Variants in BCAS3 observed in about 807,000 individuals in gnomAD.
BCAS3 encodes BCAS4/BCAS3 fusion.
BCAS3 carries 53 observed loss-of-function variants against 116.1 expected under a neutral mutation model. That is an observed-to-expected ratio of 0.46 (90% CI 0.37 to 0.57). The LOEUF (loss-of-function observed/expected upper bound fraction) is 0.57, where lower values mean the gene tolerates loss of function less well. Among genes scored for constraint, BCAS3 ranks in the 20% least tolerant of loss-of-function variants. The pLI is 0.00. For synonymous variants in BCAS3, 391 were observed against 408.2 expected (o/e 0.96, Z 0.51); for missense variants, 917 against 1,165.4 (o/e 0.79, Z 3.10).
intron 22 of BCAS3, among the ~76,000 whole-genome samples, chr17:61,266,479 C>T (rs1161231727): frequency 1.3e-5 from 2 of 152,148 alleles, no homozygotes; most frequent in African/African-American, 4.8e-5. Context: ...TCCAAAGAAA[C>T]CTATGAGAAG....
At chr17:60,751,153 T>C (rs1428275791) in intron 6 of BCAS3, among the ~76,000 whole-genome samples, 1 of 152,222 alleles carries the variant, frequency 6.6e-6, no homozygotes, top group Non-Finnish European at 1.5e-5. Flanking sequence ...CAGAAGACCA[T>C]CATTGTATTT....
At chr17:60,772,008 A>G (rs993030772) in intron 6 of BCAS3, among the ~76,000 whole-genome samples, 28 of 152,296 alleles carry the variant, frequency 1.8e-4, no homozygotes, top group East Asian at 5.8e-4. Flanking sequence ...TAGTGCCGCA[A>G]TAAACATACG....
rs561686560 is a variant in BCAS3, at chr17:61,259,947, T to C, written c.2426-108380T>C. On this transcript the variant is annotated intron_variant, in intron 22 of 23. Transcript: ENST00000407086. This position sits in a 1 kb window ranked among gnomAD's most constrained non-coding sequence, Gnocchi z 4.7. ...ATAGCCACTATTTATTGAATTGCTG[T>C]GTGAGGTAGGCGTTGTACAGGCTGC... is the stretch of plus-strand genomic sequence containing the variant. Among the ~76,000 whole-genome samples the C allele has an allele frequency of 6.6e-6, 1 of 152,352 alleles. No individual in the cohort carries two copies.
At chr17:60,877,615 T>C (rs1332978256) in intron 9 of BCAS3, among the ~76,000 whole-genome samples, 1 of 152,236 alleles carries the variant, frequency 6.6e-6, no homozygotes, top group Non-Finnish European at 1.5e-5. Flanking sequence ...TTAGTCTCTT[T>C]TGTATTCTGT....
intron 6 of BCAS3, among the ~76,000 whole-genome samples, chr17:60,803,844 C>T (rs1422899869): frequency 7.1e-6 from 1 of 141,428 alleles, no homozygotes; most frequent in African/African-American, 2.7e-5. Context: ...TCTTGTTGCC[C>T]AGGCTGGAGT....
rs896079552 is a variant in BCAS3 at position 61,188,897 on chromosome 17, G to A, written c.2425+104333G>A. On this transcript the variant is annotated intron_variant, in intron 22 of 23. Transcript: ENST00000407086. This position sits in a 1 kb window ranked among gnomAD's most constrained non-coding sequence, Gnocchi z 4.0. Reference sequence around the variant, plus strand: ...AGGCTGAGGTGGGAGGAGCCTGGGAGGTTGAGACCAGTCTGAGCAACATAG... The same window carrying A: ...AGGCTGAGGTGGGAGGAGCCTGGGAAGTTGAGACCAGTCTGAGCAACATAG... Among the ~76,000 whole-genome samples, 1 of 152,150 alleles carries A rather than the reference G, an allele frequency of 6.6e-6. No homozygotes were observed. Among genetic ancestry groups the A allele is most frequent in the African/African-American group, 2.4e-5 (1 of 41,442 alleles).
chr17:61,246,597 G>A (rs1010312339), intron 22 of BCAS3, among the ~76,000 whole-genome samples: 1 of 152,018 alleles, frequency 6.6e-6, no homozygotes, highest in South Asian at 2.1e-4. Flanking sequence ...TAGGCTAGGG[G>A]TGGCACCTGA....
intron 14 of BCAS3, among the ~76,000 whole-genome samples, chr17:60,952,475 A>G (rs555281179): frequency 3.3e-5 from 5 of 152,050 alleles, no homozygotes; most frequent in African/African-American, 9.6e-5. Flanking sequence ...GCCCAACAGC[A>G]TGCCCAGCTA....
Position 61,313,626 on chromosome 17 carries a change from C to T in BCAS3, c.2426-54701C>T, listed in dbSNP as rs1047161705. On this transcript the variant is annotated intron_variant, in intron 22 of 23. Transcript: ENST00000407086. The surrounding 1 kb of genome is among the most constrained non-coding windows in gnomAD (Gnocchi z 4.3). ...GAGCTTGGACTCGGGTCCAGCTCGG[C>T]GTCCTCCCTCGGGTCCTGCTCGCTG... is the stretch of plus-strand genomic sequence containing the variant. Among the ~76,000 whole-genome samples, 7 of 152,156 alleles carry T rather than the reference C, an allele frequency of 4.6e-5. No individual in the cohort carries two copies. Among genetic ancestry groups the T allele is most frequent in the African/African-American group, 1.7e-4 (7 of 41,428 alleles).
In BCAS3 at chr17:61,181,341, A is replaced by G. The variant is rs2079470431; in HGVS notation, c.2425+96777A>G. 6.6e-6 allele frequency among the ~76,000 whole-genome samples: 1 copy of G among 152,236 alleles called. No individual in the cohort carries two copies. Among genetic ancestry groups the G allele is most frequent in the Non-Finnish European group, 1.5e-5 (1 of 68,048 alleles). ...TGGTAGTGGTTAAATGTAGGATTTT[A>G]ATCAGATCAGAGCAAAGTATGGAGT... On this transcript the variant is annotated intron_variant, in intron 22 of 23. Transcript: ENST00000407086. The surrounding 1 kb of genome is among the most constrained non-coding windows in gnomAD (Gnocchi z 5.0).
chr17:61,132,267 A>G lies in BCAS3; in HGVS notation c.2425+47703A>G, dbSNP rs1198306627. Among the ~76,000 whole-genome samples, 6 of 152,242 alleles carry G rather than the reference A, an allele frequency of 3.9e-5. No individual in the cohort carries two copies. Among genetic ancestry groups the G allele is most frequent in the Non-Finnish European group, 2.9e-5 (2 of 68,044 alleles). On this transcript the variant is annotated intron_variant, in intron 22 of 23. Transcript: ENST00000407086. This position sits in a 1 kb window ranked among gnomAD's most constrained non-coding sequence, Gnocchi z 5.1. ...AAAAACAAATTCCTGTTCACTTGGT[A>G]ATTTTAAACACAACCAGGTCAAAAG...
At chr17:60,799,948 GA>G (rs1267115624) in intron 6 of BCAS3, among the ~76,000 whole-genome samples, 6 of 151,650 alleles carry the variant, frequency 4.0e-5, no homozygotes, top group Non-Finnish European at 5.9e-5. Context: ...TTTTAATTTC[GA>G]TTAGTATTTC....
intron 19 of BCAS3, among the ~76,000 whole-genome samples, chr17:61,066,144 C>T (rs961163481): frequency 6.6e-6 from 1 of 152,162 alleles, no homozygotes; most frequent in Non-Finnish European, 1.5e-5. Flanking sequence ...AGCTTCTTAA[C>T]ATCTGCTAGA....
At chr17:60,706,535 C>T (rs1568061148) in intron 4 of BCAS3, among the ~76,000 whole-genome samples, 1 of 152,094 alleles carries the variant, frequency 6.6e-6, no homozygotes, top group Non-Finnish European at 1.5e-5. Context: ...TTGGGTGAGT[C>T]AAAAGTTATA....
chr17:61,380,525 A>G lies in BCAS3; in HGVS notation c.2594-11452A>G. The stretch of plus-strand genomic sequence containing the variant: ...ATACAGACACAGCCCTTGACGTAGC[A>G]GTAAAAACCTTCCCCCCTGAGAGAC... On this transcript the variant is annotated intron_variant, in intron 23 of 23. Coordinates refer to ENST00000407086, the MANE Select transcript of BCAS3 (RefSeq NM_017679.5). This position sits in a 1 kb window ranked among gnomAD's most constrained non-coding sequence, Gnocchi z 4.2. 6.3e-7 allele frequency: 1 copy of G among 1,598,256 alleles called. No individual in the cohort carries two copies. Among genetic ancestry groups the G allele is most frequent in the Non-Finnish European group, 8.5e-7 (1 of 1,179,618 alleles).
At chr17:61,385,123 G>A (rs137987429) in intron 23 of BCAS3, among the ~76,000 whole-genome samples, 4 of 152,284 alleles carry the variant, frequency 2.6e-5, no homozygotes, top group African/African-American at 7.2e-5. Flanking sequence ...TCTGTCTCAC[G>A]GAACAGGCCC....
intron 19 of BCAS3, among the ~76,000 whole-genome samples, chr17:61,066,020 T>C (rs937134473): frequency 1.3e-5 from 2 of 152,240 alleles, no homozygotes; most frequent in African/African-American, 4.8e-5. Flanking sequence ...GGTAACTATA[T>C]GATTATCTCA....
chr17:60,853,676 A>G (rs1289914520), intron 7 of BCAS3, among the ~76,000 whole-genome samples: 4 of 152,218 alleles, frequency 2.6e-5, no homozygotes, highest in Admixed American at 2.6e-4. Context: ...TGTAAGTTCC[A>G]TGAGGCCATA....
intron 19 of BCAS3, among the ~76,000 whole-genome samples, chr17:61,071,726 T>C (rs2071447915): frequency 6.6e-6 from 1 of 152,208 alleles, no homozygotes. Context: ...ATAAATATAT[T>C]ACATTACCAA....
Sources: allele counts gnomAD v4.1 joint callset (sites outside exome capture counted in the v4.1 genomes callset), GRCh38; gene constraint gnomAD v4.1.1; non-coding constraint Gnocchi (gnomAD v3.1); transcripts MANE v1.5; gene names NCBI Gene and HGNC (gene_info 2026-07-23, HGNC 2026-07-21).